The following RBFOX3 variants were observed in gnomAD, a reference collection of about 807,000 sequenced individuals.
The protein encoded by RBFOX3 is RNA binding fox-1 homolog 3.
A neutral mutation model predicts 48.7 loss-of-function variants in RBFOX3; 17 were observed. That is an observed-to-expected ratio of 0.35 (90% CI 0.24 to 0.52). RBFOX3 has a LOEUF of 0.52. Ranked by LOEUF, RBFOX3 falls within the 20% of genes least tolerant of loss-of-function variation. The pLI is 0.94. For synonymous variants in RBFOX3, 212 were observed against 209.5 expected (o/e 1.01, Z -0.10); for missense variants, 382 against 497.5 (o/e 0.77, Z 2.21).
chr17:79,188,700 T>C (rs1413095017), intron 4 of RBFOX3, among the ~76,000 whole-genome samples: 2 of 152,194 alleles, frequency 1.3e-5, no homozygotes, highest in Non-Finnish European at 2.9e-5. Flanking sequence ...CCAAGCTTTA[T>C]TTATTTTAAA....
At chr17:79,632,239 T>G in the RBFOX3 span, among the ~76,000 whole-genome samples, 1 of 152,130 alleles carries the variant, frequency 6.6e-6, no homozygotes, top group Non-Finnish European at 1.5e-5. Flanking sequence ...CTTGGTTCGT[T>G]GTAGACGGGT....
chr17:79,106,911 T>G, intron 5 of RBFOX3, 123 bp from the exon 6 acceptor site: 5 of 1,280,088 alleles, frequency 3.9e-6, no homozygotes, highest in Non-Finnish European at 4.1e-6. Flanking sequence ...CTCTCCCCCA[T>G]CCCTGGGCTG....
In RBFOX3 at chr17:79,357,100, G is replaced by A. The variant is rs1159098612; in HGVS notation, c.-174-49276C>T. ...CTAGCCCCACGGGGGCCCCAGACAC[G>A]CCCACACCCGCTGGTGACAAACTCG... is the stretch of plus-strand genomic sequence containing the variant. On this transcript the variant is annotated intron_variant, in intron 2 of 14. Transcript: ENST00000693108. 5.3e-5 allele frequency among the ~76,000 whole-genome samples: 8 copies of A among 152,292 alleles called. 1 individual carries two copies. The highest frequency in any genetic ancestry group is 4.8e-5 in the African/African-American group (2 of 41,566).
At chr17:79,163,877 C>T (rs1246281819) in intron 4 of RBFOX3, among the ~76,000 whole-genome samples, 1 of 152,234 alleles carries the variant, frequency 6.6e-6, no homozygotes, top group East Asian at 1.9e-4. Context: ...TGGAGCCCAC[C>T]CAGCCCAGGC....
At chr17:79,237,287 TA>T (rs1187339362) in intron 3 of RBFOX3, among the ~76,000 whole-genome samples, 2 of 152,194 alleles carry the variant, frequency 1.3e-5, no homozygotes, top group Non-Finnish European at 1.5e-5. Context: ...CACATCACTG[TA>T]AAAAGGTTAC....
chr17:79,379,019 G>A (rs2059568302), intron 2 of RBFOX3, among the ~76,000 whole-genome samples: 2 of 152,278 alleles, frequency 1.3e-5, no homozygotes, highest in African/African-American at 4.8e-5. Context: ...GTCTGACTCT[G>A]GCCATGCCTC....
At chr17:79,626,621 G>A in the RBFOX3 span, among the ~76,000 whole-genome samples, 1 of 152,232 alleles carries the variant, frequency 6.6e-6, no homozygotes, top group East Asian at 1.9e-4. Context: ...CCCGGGCTGG[G>A]TGTGAGTCTG....
rs1478285918 is a variant in RBFOX3 at position 79,327,755 on chromosome 17, GCA to G, written c.-174-19933_-174-19932del. 3.3e-5 allele frequency among the ~76,000 whole-genome samples: 5 copies of G among 152,252 alleles called. No homozygotes were observed. The East Asian group carries it at 9.7e-4, about 29-fold the overall frequency. Reference sequence around the variant, plus strand: ...CTGTCACCCAGGCTGGAGTGCAGTGGCACAGTCTTGGCTCACTGCAACCTCCG... The same window carrying G: ...CTGTCACCCAGGCTGGAGTGCAGTGGCAGTCTTGGCTCACTGCAACCTCCG... On this transcript the variant is annotated intron_variant, in intron 2 of 14. Transcript: ENST00000693108.
intron 3 of RBFOX3, among the ~76,000 whole-genome samples, chr17:79,277,309 G>A (rs570428787): frequency 7.7e-5 from 11 of 142,010 alleles, no homozygotes; most frequent in Admixed American, 7.1e-4. Flanking sequence ...GGGGAGGGGG[G>A]GGGTAGTGCT....
chr17:79,617,764 C>G, the RBFOX3 span, among the ~76,000 whole-genome samples: 1 of 152,194 alleles, frequency 6.6e-6, no homozygotes, highest in East Asian at 1.9e-4. Context: ...AAAGCAACTT[C>G]AGAGGTCATG....
At chr17:79,415,726 G>A (rs899857624) in intron 2 of RBFOX3, among the ~76,000 whole-genome samples, 1 of 152,210 alleles carries the variant, frequency 6.6e-6, no homozygotes, top group African/African-American at 2.4e-5. Flanking sequence ...TCGGCTCCCT[G>A]CCTGACGTTT....
chr17:79,371,647 G>T lies in RBFOX3; in HGVS notation c.-174-63823C>A, dbSNP rs181413432. 7.2e-5 allele frequency among the ~76,000 whole-genome samples: 11 copies of T among 152,284 alleles called. No homozygotes were observed. In the East Asian group the frequency reaches 2.1e-3, roughly 29 times the overall value. On this transcript the variant is annotated intron_variant, in intron 2 of 14. Coordinates refer to ENST00000693108, the MANE Select transcript of RBFOX3 (RefSeq NM_001350451.2). Reference sequence around the variant, plus strand: ...AAGGTCCCACCAACCAAATGTGGTGGGGGGACACGTGTCATCTCCAGGACA... The same window carrying T: ...AAGGTCCCACCAACCAAATGTGGTGTGGGGACACGTGTCATCTCCAGGACA...
intron 2 of RBFOX3, among the ~76,000 whole-genome samples, chr17:79,352,957 A>C (rs1282631659): frequency 6.6e-6 from 1 of 152,226 alleles, no homozygotes; most frequent in African/African-American, 2.4e-5. Flanking sequence ...TTGGGCAGAC[A>C]GATGGGAAAG....
chr17:79,369,107 T>A (rs746004587), intron 2 of RBFOX3, among the ~76,000 whole-genome samples: 29 of 151,838 alleles, frequency 1.9e-4, no homozygotes, highest in Non-Finnish European at 3.2e-4. Flanking sequence ...CTCTGAGCTG[T>A]CTCACTGCGC....
intron 4 of RBFOX3, among the ~76,000 whole-genome samples, chr17:79,128,129 G>A (rs2147387444): frequency 6.6e-6 from 1 of 152,340 alleles, no homozygotes; most frequent in Admixed American, 6.5e-5. Flanking sequence ...CCCAGCATTG[G>A]CTAAATTGGA....
At chr17:79,608,776 G>A (rs1434837546) in intron 1 of RBFOX3, among the ~76,000 whole-genome samples, 20 of 152,288 alleles carry the variant, frequency 1.3e-4, no homozygotes, top group African/African-American at 4.8e-4. Flanking sequence ...TGCGGTGAGC[G>A]GTGAGCGAGG....
chr17:79,468,821 A>T (rs926552574), intron 2 of RBFOX3, among the ~76,000 whole-genome samples: 1 of 146,590 alleles, frequency 6.8e-6, no homozygotes, highest in Non-Finnish European at 1.5e-5. Flanking sequence ...GACAGGCAGG[A>T]GGATGGATGG....
chr17:79,649,690 C>G, the RBFOX3 span, among the ~76,000 whole-genome samples: 6 of 151,724 alleles, frequency 4.0e-5, no homozygotes, highest in Non-Finnish European at 7.4e-5. Flanking sequence ...GACAGAGCAA[C>G]ACTCCACCTC....
rs986658567 is a variant in RBFOX3, at chr17:79,198,454, C to G, written c.-34+37312G>C. ...CGCCTGCCAGCTCATGGAGAAAGTT[C>G]ACAAATGTCACCTCAGTATGCCTCA... On this transcript the variant is annotated intron_variant, in intron 4 of 14. Transcript: ENST00000693108. This position sits in a 1 kb window ranked among gnomAD's most constrained non-coding sequence, Gnocchi z 8.2. 9.2e-5 allele frequency among the ~76,000 whole-genome samples: 14 copies of G among 152,204 alleles called. No individual in the cohort carries two copies. Among genetic ancestry groups the G allele is most frequent in the Admixed American group, 9.2e-4 (14 of 15,286 alleles).
Sources: gnomAD v4.1 joint callset for allele counts (sites outside exome capture counted in the v4.1 genomes callset) on GRCh38, gnomAD v4.1.1 for gene constraint, Gnocchi (gnomAD v3.1) non-coding constraint, MANE v1.5 for transcripts, NCBI Gene and HGNC (gene_info 2026-07-23, HGNC 2026-07-21) for gene names.